ESRRG: variants seen among roughly 807,000 people sequenced by gnomAD.
The protein encoded by ESRRG is estrogen related receptor gamma, also known as estrogen-related receptor gamma.
Under a neutral mutation model 44.0 loss-of-function variants are expected in ESRRG, and 13 were observed. That is an observed-to-expected ratio of 0.30 (90% CI 0.19 to 0.47). The LOEUF is 0.47. Ranked by LOEUF, ESRRG falls within the 20% of genes least tolerant of loss-of-function variation. The pLI is 1.00. For synonymous variants in ESRRG, 215 were observed against 214.6 expected (o/e 1.00, Z -0.02); for missense variants, 395 against 580.6 (o/e 0.68, Z 3.29).
intron 1 of ESRRG, among the ~76,000 whole-genome samples, chr1:217,118,647 C>T (rs1251351790): frequency 6.6e-6 from 1 of 152,096 alleles, no homozygotes; most frequent in African/African-American, 2.4e-5. Flanking sequence ...TTTTTGGCCT[C>T]AGTTATCTGC....
chr1:216,632,655 G>T (rs777228592), intron 3 of ESRRG, among the ~76,000 whole-genome samples: 23 of 152,112 alleles, frequency 1.5e-4, no homozygotes, highest in East Asian at 1.2e-3. Context: ...TTTTGTAAAG[G>T]TATGATTTAC....
At chr1:216,828,191 T>C (rs2095429177) in intron 2 of ESRRG, among the ~76,000 whole-genome samples, 6 of 152,214 alleles carry the variant, frequency 3.9e-5, no homozygotes, top group Admixed American at 3.9e-4. Flanking sequence ...GTAGTCCTCC[T>C]AGCTATTATG....
chr1:216,651,903 AT>A (rs937462814), intron 2 of ESRRG, among the ~76,000 whole-genome samples: 1 of 151,606 alleles, frequency 6.6e-6, no homozygotes, highest in Non-Finnish European at 1.5e-5. Flanking sequence ...TCCAAACTAA[AT>A]TTTTTTTTCA....
intron 1 of ESRRG, among the ~76,000 whole-genome samples, chr1:217,047,054 G>A (rs1194905477): frequency 2.0e-5 from 3 of 152,018 alleles, no homozygotes; most frequent in African/African-American, 7.2e-5. Flanking sequence ...GATATGCCAT[G>A]GGAGAAGGAG....
At chr1:216,854,353 C>CAAAA (rs57421256) in intron 2 of ESRRG, among the ~76,000 whole-genome samples, 313 of 66,988 alleles carry the variant, frequency 4.7e-3, no homozygotes, top group Non-Finnish European at 5.7e-3. Flanking sequence ...AAGACACCAT[C>CAAAA]AAAAAAAAAA....
rs372076067 is a variant in ESRRG at position 216,661,037 on chromosome 1, A to G, written c.473-9948T>C. On this transcript the variant is annotated intron_variant, in intron 2 of 6. Coordinates refer to ENST00000408911, the MANE Select transcript of ESRRG (RefSeq NM_001438.4). ...TTTAAAAAGGACTGGTAAGTGTATA[A>G]TAAAAATACATTGGTGAAAATGATG... 1.9e-3 allele frequency among the ~76,000 whole-genome samples: 293 copies of G among 152,338 alleles called. 2 individuals carry two copies. Among genetic ancestry groups the G allele is most frequent in the African/African-American group, 6.9e-3 (286 of 41,590 alleles).
intron 5 of ESRRG, among the ~76,000 whole-genome samples, chr1:216,519,780 C>A (rs2045507331): frequency 7.0e-6 from 1 of 143,010 alleles, no homozygotes; most frequent in African/African-American, 2.6e-5. Flanking sequence ...ACTATCTCAT[C>A]TCTAAAAACT....
At chr1:217,098,763 T>C (rs1183900863) in intron 1 of ESRRG, among the ~76,000 whole-genome samples, 1 of 152,234 alleles carries the variant, frequency 6.6e-6, no homozygotes, top group Non-Finnish European at 1.5e-5. Flanking sequence ...AAACTTATTA[T>C]TTCCAAAGCG....
chr1:216,679,631 T>TC (rs544987633), intron 1 of ESRRG, among the ~76,000 whole-genome samples: 25,791 of 143,434 alleles, frequency 0.18, 2,929 homozygotes, highest in Middle Eastern at 0.26. Context: ...AATTTTTTTT[T>TC]TCTTTTTTTT....
At chr1:216,932,543 G>A (rs1044751952) in intron 2 of ESRRG, among the ~76,000 whole-genome samples, 1 of 151,988 alleles carries the variant, frequency 6.6e-6, no homozygotes, top group Non-Finnish European at 1.5e-5. Flanking sequence ...GTGTGTGTGT[G>A]TGTTTGTGTG....
At chr1:217,071,024 T>C (rs10863292) in intron 1 of ESRRG, among the ~76,000 whole-genome samples, 47,445 of 151,946 alleles carry the variant, frequency 0.31, 7,925 homozygotes, top group East Asian at 0.68. Context: ...CTTTCTCTTC[T>C]TCCTCCTCCT....
intron 2 of ESRRG, among the ~76,000 whole-genome samples, chr1:216,820,718 A>G (rs780067435): frequency 2.6e-5 from 4 of 152,196 alleles, no homozygotes; most frequent in Non-Finnish European, 5.9e-5. Context: ...GCAATTAGCC[A>G]CCCGTTCTTA....
intron 2 of ESRRG, among the ~76,000 whole-genome samples, chr1:216,730,327 GA>G (rs912992601): frequency 7.2e-6 from 1 of 138,546 alleles, no homozygotes; most frequent in Admixed American, 7.2e-5. Context: ...AAAAAAGAAA[GA>G]AAAAGAAAGA....
chr1:216,913,379 G>A (rs545265064), intron 2 of ESRRG, among the ~76,000 whole-genome samples: 2 of 152,150 alleles, frequency 1.3e-5, no homozygotes, highest in Admixed American at 6.5e-5. Flanking sequence ...GATTTCGGTC[G>A]GGGGTGGGGG....
chr1:217,053,412 G>T (rs144586448), intron 1 of ESRRG, among the ~76,000 whole-genome samples: 1 of 150,170 alleles, frequency 6.7e-6, no homozygotes, highest in Non-Finnish European at 1.5e-5. Flanking sequence ...CCGAGATTGC[G>T]CCACTGCACT....
intron 2 of ESRRG, among the ~76,000 whole-genome samples, chr1:216,891,070 G>A (rs77424520): frequency 6.6e-6 from 1 of 152,170 alleles, no homozygotes; most frequent in Middle Eastern, 3.4e-3. Flanking sequence ...ACGCCCATAT[G>A]GAAAAAAAGG....
At chr1:216,516,128 A>G (rs917380878) in intron 6 of ESRRG, among the ~76,000 whole-genome samples, 7 of 152,120 alleles carry the variant, frequency 4.6e-5, no homozygotes, top group African/African-American at 1.4e-4. Context: ...GAGATATATC[A>G]GAGATGTAAT....
chr1:217,054,044 G>A (rs1307145066), intron 1 of ESRRG, among the ~76,000 whole-genome samples: 68 of 140,582 alleles, frequency 4.8e-4, no homozygotes, highest in African/African-American at 1.6e-3. Flanking sequence ...AAAAAAAAAA[G>A]CCTCACTGGA....
intron 2 of ESRRG, among the ~76,000 whole-genome samples, chr1:216,903,444 TGTG>T (rs2059326284): frequency 6.6e-6 from 1 of 151,762 alleles, no homozygotes; most frequent in South Asian, 2.1e-4. Context: ...TGTGTGTGTG[TGTG>T]TGTGTGTGTG....
Sources: allele counts gnomAD v4.1 joint callset (sites outside exome capture counted in the v4.1 genomes callset), GRCh38; gene constraint gnomAD v4.1.1; transcripts MANE v1.5; gene names NCBI Gene and HGNC (gene_info 2026-07-23, HGNC 2026-07-21).